The following PCNT variants were observed in gnomAD, a reference collection of about 807,000 sequenced individuals.
PCNT encodes pericentrin.
Under a neutral mutation model 380.4 loss-of-function variants are expected in PCNT, and 319 were observed. The ratio of observed to expected loss-of-function variants is 0.84; its 90% CI spans 0.77 to 0.92. The LOEUF is 0.92. PCNT is among the 40% of genes least tolerant of loss of function. The pLI is 0.00. For synonymous variants in PCNT, 1,845 were observed against 1,735.2 expected, an observed-to-expected ratio of 1.06 and a Z score of -1.57; for missense variants, 4,400 against 4,255.3, an observed-to-expected ratio of 1.03 and a Z score of -0.95.
chr21:46,357,225 C>T, intron 13 of PCNT, 34 bp downstream of exon 13: 1 of 1,435,950 alleles, frequency 7.0e-7, no homozygotes. Context: ...GCGCCTCCCG[C>T]CCGAGTCCTT....
At chr21:46,415,742 A>G (rs1569276344) in intron 29 of PCNT, among the ~76,000 whole-genome samples, 1 of 152,186 alleles carries the variant, frequency 6.6e-6, no homozygotes, top group African/African-American at 2.4e-5. Context: ...TAGAAGTTAC[A>G]CACACAGAAA....
chr21:46,344,198 C>T (rs935048217), intron 3 of PCNT, among the ~76,000 whole-genome samples: 2 of 151,940 alleles, frequency 1.3e-5, no homozygotes, highest in Non-Finnish European at 2.9e-5. Context: ...CTCAGCCTCC[C>T]GAGTAGCTGG....
intron 19 of PCNT, among the ~76,000 whole-genome samples, chr21:46,389,800 C>T (rs2085969725): frequency 6.6e-6 from 1 of 152,070 alleles, no homozygotes; most frequent in South Asian, 2.1e-4. Flanking sequence ...ATCTTTTTTT[C>T]AGCCAGGCAC....
chr21:46,360,078 A>G (rs2146791507), intron 13 of PCNT, among the ~76,000 whole-genome samples: 1 of 151,716 alleles, frequency 6.6e-6, no homozygotes, highest in South Asian at 2.1e-4. Context: ...GCTGGTCTCA[A>G]GCTCTTGGGC....
intron 14 of PCNT, among the ~76,000 whole-genome samples, chr21:46,365,666 C>G (rs2084895579): frequency 8.0e-6 from 1 of 124,968 alleles, no homozygotes; most frequent in African/African-American, 3.2e-5. Context: ...CATGGGGGTT[C>G]TATTCATTCA....
intron 3 of PCNT, among the ~76,000 whole-genome samples, chr21:46,339,196 G>C (rs1465603714): frequency 6.6e-6 from 1 of 152,228 alleles, no homozygotes; most frequent in Non-Finnish European, 1.5e-5. Context: ...GATTACTGGT[G>C]TGAACAACTG....
chr21:46,419,498 C>T (rs1372936897), intron 31 of PCNT, among the ~76,000 whole-genome samples: 1 of 152,274 alleles, frequency 6.6e-6, no homozygotes, highest in Non-Finnish European at 1.5e-5. Context: ...GTGCAGTCTG[C>T]ACGCCCTGTG....
At chr21:46,370,975 T>C (rs1437627457) in intron 15 of PCNT, among the ~76,000 whole-genome samples, 1 of 152,020 alleles carries the variant, frequency 6.6e-6, no homozygotes, top group Non-Finnish European at 1.5e-5. Flanking sequence ...GCGGAGGTTG[T>C]GGTGAGCTGA....
intron 13 of PCNT, among the ~76,000 whole-genome samples, chr21:46,362,095 T>A (rs990226754): frequency 6.6e-6 from 1 of 152,224 alleles, no homozygotes; most frequent in Non-Finnish European, 1.5e-5. Context: ...TCAGACTGCA[T>A]GCTCCCCTGC....
At chr21:46,419,468 C>CA (rs2087157024) in intron 31 of PCNT, among the ~76,000 whole-genome samples, 1 of 152,258 alleles carries the variant, frequency 6.6e-6, no homozygotes, top group Non-Finnish European at 1.5e-5. Flanking sequence ...CCCCTCGCCA[C>CA]ACGCCCCTTG....
chr21:46,431,420 A>G, intron 37 of PCNT, 109 bp from the exon 38 acceptor site: 3 of 1,584,586 alleles, frequency 1.9e-6, no homozygotes, highest in Non-Finnish European at 2.6e-6. Context: ...GTGCATTTCA[A>G]AAGGTAGAAT....
chr21:46,394,562 G>C (rs938577428), intron 21 of PCNT: 9 of 981,090 alleles, frequency 9.2e-6, no homozygotes, highest in Non-Finnish European at 1.1e-5. Flanking sequence ...CGATTGATTT[G>C]TGTGTGACGT....
intron 7 of PCNT, 144 bp from the exon 8 acceptor site, chr21:46,349,540 A>G: frequency 1.2e-6 from 1 of 833,926 alleles, no homozygotes; most frequent in Admixed American, 1.7e-5. Flanking sequence ...GCTATCAGGC[A>G]TGTGAGGCTC....
rs1388169287 is a variant in PCNT, at chr21:46,438,180, A to G, written c.9116A>G (p.Glu3039Gly). ...PTSSQKKMAA[E>G]LQFQFVDVLL... is the part of the protein sequence containing the mutation. ...TTCTCCAAGAAAAAAATGGCAGCAGAGCTGCAGTTCCAGTTTGTGGACGTC... is the reference window on the plus strand; with the variant it reads ...TTCTCCAAGAAAAAAATGGCAGCAGGGCTGCAGTTCCAGTTTGTGGACGTC... The change falls in exon 41 of 47, where the codon GAG becomes GGG. Residue 3039 changes from glutamate to glycine, a missense_variant. By Grantham distance (98) the Glu-to-Gly change is moderately conservative (BLOSUM62 -2). Transcript: ENST00000359568. 2 of 1,613,722 alleles carry G rather than the reference A, an allele frequency of 1.2e-6. No individual in the cohort carries two copies. Among genetic ancestry groups the G allele is most frequent in the Non-Finnish European group, 1.7e-6 (2 of 1,179,668 alleles).
In PCNT at chr21:46,425,044, A is replaced by G. The variant is rs553290947; in HGVS notation, c.7180-787A>G. Among the ~76,000 whole-genome samples the G allele has an allele frequency of 1.3e-5, 2 of 151,834 alleles. No homozygotes were observed. Among genetic ancestry groups the G allele is most frequent in the South Asian group, 4.2e-4 (2 of 4,810 alleles). On this transcript the variant is annotated intron_variant, in intron 32 of 46. Transcript: ENST00000359568. The surrounding 1 kb of genome is among the most constrained non-coding windows in gnomAD (Gnocchi z 4.2). ...CATTTCCCTCTTTTTGGACTTTATT[A>G]GATTATTTTTCTCTTCAGGTTTTTA...
At chr21:46,386,869 C>T (rs531522707) in intron 17 of PCNT, among the ~76,000 whole-genome samples, 4 of 152,324 alleles carry the variant, frequency 2.6e-5, no homozygotes, top group South Asian at 2.1e-4. Context: ...GCGTCCTCCC[C>T]GTCCCCTTGT....
rs570525391 is a variant in PCNT at position 46,370,111 on chromosome 21, C to G, written c.3165+2972C>G. Among the ~76,000 whole-genome samples the G allele has an allele frequency of 1.6e-3, 240 of 152,114 alleles. 2 individuals carry two copies. Among genetic ancestry groups the G allele is most frequent in the South Asian group, 0.012 (59 of 4,834 alleles). On this transcript the variant is annotated intron_variant, in intron 15 of 46. Transcript: ENST00000359568. Reference sequence around the variant, plus strand: ...GAGCGTTCAGGCACTTACGGATACACTTGGAGCCGCTGGATTGTGCGTGCA... The same window carrying G: ...GAGCGTTCAGGCACTTACGGATACAGTTGGAGCCGCTGGATTGTGCGTGCA...
rs752843059 is a variant in PCNT at position 46,349,060 on chromosome 21, C to T, written c.1081C>T (p.Leu361=). The T allele has an allele frequency of 8.7e-6, 14 of 1,607,532 alleles. No individual in the cohort carries two copies. In the South Asian group the frequency reaches 1.2e-4, roughly 14 times the overall value. Residue 361 remains leucine (L), a synonymous_variant, in exon 7 of 47, where the codon CTA becomes TTA. Coordinates refer to ENST00000359568, the MANE Select transcript of PCNT (RefSeq NM_006031.6). ...TGAAAAAGATTTATGTTTAGAAAATCTACGCAAAGAACTGTCTGCAAAGCA... is the reference window on the plus strand; with the variant it reads ...TGAAAAAGATTTATGTTTAGAAAATTTACGCAAAGAACTGTCTGCAAAGCA... ...ESEKDLCLEN[L]RKELSAKHQS...
At chr21:46,432,262 C>A in intron 38 of PCNT, 47 bp downstream of exon 38, 2 of 1,540,944 alleles carry the variant, frequency 1.3e-6, no homozygotes, top group Non-Finnish European at 1.8e-6. Flanking sequence ...AAACGATAAG[C>A]AATTGGAGTT....
Sources: allele counts gnomAD v4.1 joint callset (sites outside exome capture counted in the v4.1 genomes callset), GRCh38; gene constraint gnomAD v4.1.1; non-coding constraint Gnocchi (gnomAD v3.1); transcripts MANE v1.5; gene names NCBI Gene and HGNC (gene_info 2026-07-23, HGNC 2026-07-21).